KIAA1217: variants seen among roughly 807,000 people sequenced by gnomAD.
KIAA1217 encodes the protein KIAA1217.
KIAA1217 carries 88 observed loss-of-function variants against 163.9 expected under a neutral mutation model. That is an observed-to-expected ratio of 0.54 (90% CI 0.45 to 0.64). The LOEUF (loss-of-function observed/expected upper bound fraction) is 0.64. Ranked by LOEUF, KIAA1217 falls within the 30% of genes least tolerant of loss-of-function variation. The probability of loss-of-function intolerance (pLI) is 0.00; values close to 1 mark genes in which losing one functional copy is unlikely to be tolerated. For missense variants in KIAA1217, 2,372 were observed against 2,475.0 expected (o/e 0.96, Z 0.88); for synonymous variants, 903 against 923.1 (o/e 0.98, Z 0.39).
intron 2 of KIAA1217, among the ~76,000 whole-genome samples, chr10:24,338,928 A>G (rs1564499039): frequency 6.6e-6 from 1 of 152,212 alleles, no homozygotes; most frequent in Non-Finnish European, 1.5e-5. Context: ...AATAAATTCC[A>G]TTTACATGGA....
At chr10:24,224,054 A>G (rs996209992) in intron 2 of KIAA1217, among the ~76,000 whole-genome samples, 3 of 152,230 alleles carry the variant, frequency 2.0e-5, no homozygotes, top group African/African-American at 7.2e-5. Context: ...TCTTTAGTCT[A>G]AAATTATTGA....
chr10:24,191,138 G>A (rs1431102298), intron 2 of KIAA1217, among the ~76,000 whole-genome samples: 1 of 152,064 alleles, frequency 6.6e-6, no homozygotes, highest in Non-Finnish European at 1.5e-5. Flanking sequence ...TGAGACTGTG[G>A]CGCTGCACTT....
chr10:23,715,884 TA>T (rs1258753978), intron 1 of KIAA1217, among the ~76,000 whole-genome samples: 9 of 152,162 alleles, frequency 5.9e-5, no homozygotes, highest in African/African-American at 2.2e-4. Context: ...AAATGACCTT[TA>T]AAAGCCATGA....
At chr10:24,182,376 G>C (rs1220357967) in intron 2 of KIAA1217, among the ~76,000 whole-genome samples, 1 of 151,364 alleles carries the variant, frequency 6.6e-6, no homozygotes. Flanking sequence ...GGTGGGGGGA[G>C]GGCTGCAGTG....
chr10:23,998,087 C>T (rs1286569312), intron 1 of KIAA1217, among the ~76,000 whole-genome samples: 4 of 151,796 alleles, frequency 2.6e-5, no homozygotes, highest in African/African-American at 7.3e-5. Context: ...TTTTACCCTC[C>T]GTTTGGCTCT....
chr10:24,317,921 A>G (rs1320204910), intron 2 of KIAA1217, among the ~76,000 whole-genome samples: 1 of 152,216 alleles, frequency 6.6e-6, no homozygotes, highest in Non-Finnish European at 1.5e-5. Context: ...TTTATGCATC[A>G]ACGTGCGTAG....
chr10:23,942,150 C>A (rs12360102), intron 1 of KIAA1217, among the ~76,000 whole-genome samples: 30,467 of 152,076 alleles, frequency 0.2, 3,314 homozygotes, highest in Middle Eastern at 0.27. Flanking sequence ...GTCAGTATAT[C>A]ATCAAGATAC....
chr10:24,190,670 G>A (rs2130463041), intron 2 of KIAA1217, among the ~76,000 whole-genome samples: 1 of 152,244 alleles, frequency 6.6e-6, no homozygotes, highest in Non-Finnish European at 1.5e-5. Flanking sequence ...AGCCATGGAG[G>A]ATATCCTGTT....
chr10:24,457,959 C>T (rs1592106761), intron 5 of KIAA1217, among the ~76,000 whole-genome samples: 1 of 152,304 alleles, frequency 6.6e-6, no homozygotes, highest in East Asian at 1.9e-4. Context: ...TACTCAAAGG[C>T]CCACCTGGCA....
Position 24,544,321 on chromosome 10 carries a change from G to A in KIAA1217, c.5051G>A (p.Ser1684Asn). ...KQLENTISEM[S>N]PKALVDTSCS... ...CTCGAAAATACAATCAGTGAAATGA[G>A]TCCCAAAGCCCTAGTTGATACCTCA... The change falls in exon 19 of 21, where the codon AGT (serine) becomes AAT (asparagine). Residue 1684 changes from serine (S) to asparagine (N), a missense_variant. Physicochemically the swap from Ser to Asn is conservative, Grantham distance 46 (BLOSUM62 1). This residue lies in a region of KIAA1217 where 690 missense variants were observed against 677.5 expected (regional missense o/e 1.02). Transcript: ENST00000376454. 1 of 1,614,110 alleles carries A rather than the reference G, an allele frequency of 6.2e-7. No individual in the cohort carries two copies. The highest frequency in any genetic ancestry group is 1.1e-5 in the South Asian group (1 of 91,076).
At chr10:23,818,035 A>T (rs1837419135) in intron 1 of KIAA1217, among the ~76,000 whole-genome samples, 1 of 128,952 alleles carries the variant, frequency 7.8e-6, no homozygotes, top group Non-Finnish European at 1.6e-5. Context: ...ACACATATAT[A>T]TACATATATA....
intron 2 of KIAA1217, among the ~76,000 whole-genome samples, chr10:24,377,860 A>C (rs961528344): frequency 6.6e-6 from 1 of 151,516 alleles, no homozygotes; most frequent in Admixed American, 6.6e-5. Context: ...GGTGTTGGTC[A>C]GCGGTGGTTT....
chr10:24,318,395 G>A (rs1374154071), intron 2 of KIAA1217, among the ~76,000 whole-genome samples: 1 of 152,276 alleles, frequency 6.6e-6, no homozygotes. Context: ...AACAGGCTGA[G>A]GTTTCCTTGA....
intron 10 of KIAA1217, among the ~76,000 whole-genome samples, chr10:24,518,667 A>T (rs1226686288): frequency 6.6e-6 from 1 of 152,224 alleles, no homozygotes; most frequent in African/African-American, 2.4e-5. Context: ...TGTGCAATAG[A>T]AAAGAACTTT....
At chr10:24,533,019 C>A in intron 15 of KIAA1217, 51 bp from the exon 16 acceptor site, 1 of 1,521,992 alleles carries the variant, frequency 6.6e-7, no homozygotes, top group Admixed American at 2.0e-5. Context: ...CCCTTTTTTG[C>A]TAGCACCTAG....
intron 1 of KIAA1217, among the ~76,000 whole-genome samples, chr10:23,760,079 G>C (rs913932096): frequency 2.0e-5 from 3 of 152,100 alleles, no homozygotes; most frequent in African/African-American, 7.2e-5. Context: ...TTGGGTTTAG[G>C]GAAGTTTTAA....
chr10:23,864,381 A>G (rs17353305), intron 1 of KIAA1217, among the ~76,000 whole-genome samples: 5,365 of 151,972 alleles, frequency 0.035, 315 homozygotes, highest in African/African-American at 0.12. Flanking sequence ...ATCTTCTCTC[A>G]ATTGATCCCT....
At chr10:24,422,901 CTTTT>C (rs58161228) in intron 3 of KIAA1217, among the ~76,000 whole-genome samples, 113 of 120,598 alleles carry the variant, frequency 9.4e-4, no homozygotes, top group African/African-American at 3.3e-3. Flanking sequence ...ATAGATTTAA[CTTTT>C]TTTTTTTTTT....
intron 1 of KIAA1217, among the ~76,000 whole-genome samples, chr10:23,896,157 AT>A (rs1181419423): frequency 6.6e-6 from 1 of 151,806 alleles, no homozygotes; most frequent in East Asian, 1.9e-4. Flanking sequence ...ATAGAATAAA[AT>A]TTTTTAAAAA....
Sources: gnomAD v4.1 joint callset for allele counts (sites outside exome capture counted in the v4.1 genomes callset) on GRCh38, gnomAD v4.1.1 for gene constraint, gnomAD v4.1.1 regional missense constraint, MANE v1.5 for transcripts, NCBI Gene and HGNC (gene_info 2026-07-23, HGNC 2026-07-21) for gene names.